The following ATF2 variants were observed in gnomAD, a reference collection of about 807,000 sequenced individuals.
ATF2 encodes activating transcription factor 2.
ATF2 carries 24 observed loss-of-function variants against 60.6 expected under a neutral mutation model. That is an observed-to-expected ratio of 0.40 (90% CI 0.29 to 0.56). The LOEUF is 0.56. ATF2 is among the 20% of genes least tolerant of loss of function. The pLI is 0.54. For missense variants in ATF2, 433 were observed against 607.7 expected, an observed-to-expected ratio of 0.71 and a Z score of 3.02; for synonymous variants, 206 against 215.4, an observed-to-expected ratio of 0.96 and a Z score of 0.38.
rs778434807 is a variant in ATF2 at position 175,074,573 on chromosome 2, A to C, written c.*36T>G. 6 of 1,579,758 alleles carry C rather than the reference A, an allele frequency of 3.8e-6. No homozygotes were observed. The South Asian group carries it at 6.9e-5, about 18-fold the overall frequency. ...CCTTGATTTCCCTTTGAAGTCACTA[A>C]TGAGTATCTAAAACTGTTGTACTGC... On this transcript the variant is annotated 3_prime_UTR_variant, in exon 14 of 14. Coordinates refer to ENST00000264110, the MANE Select transcript of ATF2 (RefSeq NM_001880.4).
At position 175,080,663 on chromosome 2, in the gene ATF2, G is replaced by A; in HGVS notation, c.1288C>T (p.His430Tyr). The A allele has an allele frequency of 6.2e-7, 1 of 1,612,304 alleles. No homozygotes were observed. The highest frequency in any genetic ancestry group is 8.5e-7 in the Non-Finnish European group (1 of 1,178,776). ...VTAMQKKSGY[H>Y]TADKDDSSED... ...TAGGTAATGGAACATTACTCACTATGATAGCCAGATTTCTTCTGCATGGCG... is the reference window on the plus strand; with the variant it reads ...TAGGTAATGGAACATTACTCACTATAATAGCCAGATTTCTTCTGCATGGCG... The change falls in exon 13 of 14, where the codon CAT becomes TAT. Residue 430 changes from histidine to tyrosine, a missense_variant. This residue lies in a region of ATF2 where 114 missense variants were observed against 104.0 expected (regional missense o/e 1.10). Coordinates refer to ENST00000264110, the MANE Select transcript of ATF2 (RefSeq NM_001880.4).
chr2:175,164,453 G>A (rs1280033259), intron 1 of ATF2, among the ~76,000 whole-genome samples: 2 of 152,164 alleles, frequency 1.3e-5, no homozygotes, highest in East Asian at 3.9e-4. Flanking sequence ...AGAACCGCTT[G>A]AATCCGGGAG....
At chr2:175,165,917 GCC>G (rs1360970585) in intron 1 of ATF2, among the ~76,000 whole-genome samples, 21 of 152,234 alleles carry the variant, frequency 1.4e-4, no homozygotes, top group African/African-American at 5.1e-4. Flanking sequence ...GCCCCACTCG[GCC>G]TCACGAAGTG....
chr2:175,108,428 C>T (rs1460142898), intron 10 of ATF2, among the ~76,000 whole-genome samples: 6 of 150,486 alleles, frequency 4.0e-5, no homozygotes, highest in South Asian at 2.1e-4. Context: ...GGGGTCAGCC[C>T]CCGCCCGGCC....
intron 1 of ATF2, among the ~76,000 whole-genome samples, chr2:175,157,919 G>A (rs1699783070): frequency 6.6e-6 from 1 of 152,026 alleles, no homozygotes; most frequent in East Asian, 1.9e-4. Context: ...TTGAACCCGG[G>A]AGGCAGAGGT....
At chr2:175,134,512 A>T (rs1270305545) in intron 3 of ATF2, among the ~76,000 whole-genome samples, 1 of 151,822 alleles carries the variant, frequency 6.6e-6, no homozygotes, top group Admixed American at 6.6e-5. Flanking sequence ...CCAACAACTA[A>T]GAAAATGCAC....
intron 2 of ATF2, among the ~76,000 whole-genome samples, chr2:175,142,714 A>T (rs1424565996): frequency 2.6e-3 from 322 of 124,742 alleles, no homozygotes; most frequent in African/African-American, 8.1e-3. Flanking sequence ...AGAGAGAGAG[A>T]GAGAGAGTGT....
intron 4 of ATF2, among the ~76,000 whole-genome samples, chr2:175,125,630 G>T (rs1457193048): frequency 6.6e-6 from 1 of 151,872 alleles, no homozygotes; most frequent in Middle Eastern, 3.2e-3. Context: ...ATATACAAAG[G>T]GTTATGTAGA....
chr2:175,096,416 CATATGTGTGT>C (rs1398397905), intron 11 of ATF2, among the ~76,000 whole-genome samples: 1 of 152,166 alleles, frequency 6.6e-6, no homozygotes, highest in Non-Finnish European at 1.5e-5. Context: ...GTAATACCTA[CATATGTGTGT>C]ATATGTGTGA....
At chr2:175,122,245 G>A (rs1153672) in intron 4 of ATF2, among the ~76,000 whole-genome samples, 14,012 of 151,874 alleles carry the variant, frequency 0.092, 687 homozygotes, top group Middle Eastern at 0.16. Flanking sequence ...ACTTGGATAA[G>A]TTTTGCATGC....
At chr2:175,131,099 G>A (rs1423070875) in intron 3 of ATF2, among the ~76,000 whole-genome samples, 1 of 152,160 alleles carries the variant, frequency 6.6e-6, no homozygotes, top group African/African-American at 2.4e-5. Context: ...TTTCCAGGAA[G>A]TCACCATTAT....
At chr2:175,076,536 G>A (rs1054615902) in intron 13 of ATF2, among the ~76,000 whole-genome samples, 2 of 151,994 alleles carry the variant, frequency 1.3e-5, no homozygotes, top group Non-Finnish European at 2.9e-5. Flanking sequence ...CCAACAGGTC[G>A]TTTCTCAACT....
intron 12 of ATF2, among the ~76,000 whole-genome samples, chr2:175,081,700 A>G (rs1391425161): frequency 6.6e-6 from 1 of 152,242 alleles, no homozygotes; most frequent in Non-Finnish European, 1.5e-5. Context: ...ACAGGTGTAC[A>G]TAAAAGCTGA....
chr2:175,122,343 C>T (rs1336084764), intron 4 of ATF2, among the ~76,000 whole-genome samples: 2 of 151,918 alleles, frequency 1.3e-5, no homozygotes, highest in African/African-American at 2.4e-5. Context: ...CATTAAGCAA[C>T]ATTTATAACT....
intron 1 of ATF2, chr2:175,167,720 T>A (rs1488962478): frequency 2.0e-6 from 1 of 489,820 alleles, no homozygotes. Context: ...AGGGTGAAGA[T>A]AATTCGGAGG....
intron 13 of ATF2, chr2:175,080,438 T>C (rs754986817): frequency 6.8e-5 from 24 of 352,834 alleles, no homozygotes; most frequent in Non-Finnish European, 1.1e-4. Context: ...TGTTGATCTA[T>C]AGTAACGCTT....
At chr2:175,154,628 C>G (rs531629819) in intron 1 of ATF2, among the ~76,000 whole-genome samples, 1 of 152,044 alleles carries the variant, frequency 6.6e-6, no homozygotes, top group African/African-American at 2.4e-5. Flanking sequence ...AAATGCTATA[C>G]TTTTATACAA....
At chr2:175,080,805 A>T (rs758673284) in intron 12 of ATF2, 40 bp from the exon 13 acceptor site, 1 of 1,494,944 alleles carries the variant, frequency 6.7e-7, no homozygotes, top group African/African-American at 1.4e-5. Context: ...CACAGACTAA[A>T]CATATTTTTT....
At chr2:175,133,539 T>C (rs980783479) in intron 3 of ATF2, among the ~76,000 whole-genome samples, 4 of 152,156 alleles carry the variant, frequency 2.6e-5, no homozygotes, top group Non-Finnish European at 5.9e-5. Flanking sequence ...GTAGCTATCA[T>C]GGAAAAAAGA....
Sources: gnomAD v4.1 joint callset for allele counts (sites outside exome capture counted in the v4.1 genomes callset) on GRCh38, gnomAD v4.1.1 for gene constraint, gnomAD v4.1.1 regional missense constraint, MANE v1.5 for transcripts, NCBI Gene and HGNC (gene_info 2026-07-23, HGNC 2026-07-21) for gene names.